TECPR2: variants seen among roughly 807,000 people sequenced by gnomAD.
The protein encoded by TECPR2 is tectonin beta-propeller repeat containing 2, also known as tectonin beta-propeller repeat-containing protein 2.
In TECPR2, 65 loss-of-function variants were observed where a neutral mutation model predicts 138.1. That is an observed-to-expected ratio of 0.47 (90% CI 0.39 to 0.58). The LOEUF (loss-of-function observed/expected upper bound fraction) is 0.58. Among genes scored for constraint, TECPR2 ranks in the 20% least tolerant of loss-of-function variants. The pLI, the probability that TECPR2 is intolerant of heterozygous loss-of-function variation, is 0.00. For synonymous variants in TECPR2, 746 were observed against 749.8 expected (o/e 0.99, Z 0.08); for missense variants, 1,553 against 1,824.5 (o/e 0.85, Z 2.71).
Position 102,434,427 on chromosome 14 carries a change from T to C in TECPR2, c.1610T>C (p.Val537Ala), listed in dbSNP as rs377331992. ...ESSFNGEVNG[V>A]PQENTDPETF... ...AGCTTCAATGGTGAAGTGAACGGTG[T>C]CCCACAGGAAAATACTGACCCCGAA... Residue 537 changes from valine to alanine, a missense_variant, in exon 9 of 20, where the codon GTC becomes GCC. Transcript: ENST00000359520. 7.9e-5 allele frequency: 121 copies of C among 1,531,822 alleles called. No homozygotes were observed. Among genetic ancestry groups the C allele is most frequent in the Non-Finnish European group, 9.7e-5 (111 of 1,141,594 alleles). The allele number at this position is 1,531,822 out of a possible 1,614,324, so 94.9% of individuals were successfully genotyped here. A position where few individuals can be genotyped will look rare whatever the true frequency, so the allele number is the denominator to read the frequency against.
chr14:102,437,019 T>A, intron 9 of TECPR2: 1 of 985,408 alleles, frequency 1.0e-6, no homozygotes, highest in Non-Finnish European at 1.2e-6. Flanking sequence ...CCCTTCCTCA[T>A]CCCACTCCAG....
At chr14:102,439,947 C>T (rs937355558) in intron 10 of TECPR2, among the ~76,000 whole-genome samples, 5 of 152,370 alleles carry the variant, frequency 3.3e-5, no homozygotes, top group Non-Finnish European at 7.3e-5. Context: ...TCCTTCTGTG[C>T]ACCTTTTCCA....
intron 17 of TECPR2, among the ~76,000 whole-genome samples, chr14:102,479,351 C>CT (rs1172434832): frequency 6.6e-6 from 1 of 152,180 alleles, no homozygotes; most frequent in East Asian, 1.9e-4. Context: ...GCTCTGTGGG[C>CT]TTCTAGGCTC....
At chr14:102,401,508 A>G (rs970549726) in intron 2 of TECPR2, among the ~76,000 whole-genome samples, 4 of 151,782 alleles carry the variant, frequency 2.6e-5, no homozygotes, top group Admixed American at 1.3e-4. Flanking sequence ...GGCCAGGTGC[A>G]GTGGCTCAAG....
chr14:102,468,002 AT>A (rs34886429), intron 17 of TECPR2, among the ~76,000 whole-genome samples: 37 of 143,890 alleles, frequency 2.6e-4, no homozygotes, highest in Middle Eastern at 3.6e-3. Flanking sequence ...ACGCCTGGCT[AT>A]TTTTTTTTTT....
chr14:102,443,973 C>T lies in TECPR2; in HGVS notation c.2933+146C>T. On this transcript the variant is annotated intron_variant, in intron 12 of 19. Coordinates refer to ENST00000359520, the MANE Select transcript of TECPR2 (RefSeq NM_014844.5). The surrounding 1 kb of genome is among the most constrained non-coding windows in gnomAD (Gnocchi z 4.9). ...CTATAGGCTAAGCTTGAATCTCTGC[C>T]TAATTCTGACCGGCAAACTGGACGT... is the stretch of plus-strand genomic sequence containing the variant. 1.3e-6 allele frequency: 1 copy of T among 788,650 alleles called. No individual in the cohort carries two copies. The highest frequency in any genetic ancestry group is 1.8e-6 in the Non-Finnish European group (1 of 543,462). 48.9% of individuals were successfully genotyped at this position (788,650 alleles called of 1,614,324 possible).
Position 102,425,155 on chromosome 14 carries a change from C to G in TECPR2, c.815C>G (p.Pro272Arg). The change falls in exon 6 of 20, where the codon CCG becomes CGG. Residue 272 changes from proline to arginine, a missense_variant. Coordinates refer to ENST00000359520, the MANE Select transcript of TECPR2 (RefSeq NM_014844.5). ...AGGVKPFELHPRLESPNSGSC... is the reference protein window; with the variant it reads ...AGGVKPFELHRRLESPNSGSC... ...GGAGTCAAGCCTTTTGAACTGCACC[C>G]GCGTCTGGAATCCCCCAACAGTGGA... The G allele has an allele frequency of 3.1e-6, 5 of 1,614,130 alleles. No homozygotes were observed. The highest frequency in any genetic ancestry group is 4.2e-6 in the Non-Finnish European group (5 of 1,180,026).
intron 17 of TECPR2, among the ~76,000 whole-genome samples, chr14:102,494,151 G>T (rs1364270822): frequency 6.6e-6 from 1 of 152,176 alleles, no homozygotes; most frequent in Non-Finnish European, 1.5e-5. Flanking sequence ...CTGTAACTTG[G>T]GCAAATGTGT....
intron 12 of TECPR2, among the ~76,000 whole-genome samples, chr14:102,444,116 G>A (rs1889907190): frequency 6.6e-6 from 1 of 151,848 alleles, no homozygotes; most frequent in African/African-American, 2.4e-5. Flanking sequence ...AGGTAGTTCT[G>A]GTTTAGTGTC....
In TECPR2 at chr14:102,425,184, T is replaced by G; in HGVS notation, c.844T>G (p.Cys282Gly). ...TCTGGAATCCCCCAACAGTGGAAGTTGCAGCTTACCTGAGAGGCACCTGGG... is the reference window on the plus strand; with the variant it reads ...TCTGGAATCCCCCAACAGTGGAAGTGGCAGCTTACCTGAGAGGCACCTGGG... Reference protein sequence around the residue: ...PRLESPNSGSCSLPERHLGLV... With the variant: ...PRLESPNSGSGSLPERHLGLV... The change falls in exon 6 of 20, where the codon TGC becomes GGC. Residue 282 changes from cysteine (C) to glycine (G), a missense_variant. Cys to Gly is a radical substitution (Grantham distance 159, BLOSUM62 -3). Transcript: ENST00000359520. The G allele has an allele frequency of 6.2e-7, 1 of 1,614,190 alleles. No homozygotes were observed. The highest frequency in any genetic ancestry group is 8.5e-7 in the Non-Finnish European group (1 of 1,180,036).
chr14:102,429,250 G>A (rs1167051608), intron 7 of TECPR2, among the ~76,000 whole-genome samples: 2 of 152,176 alleles, frequency 1.3e-5, no homozygotes, highest in African/African-American at 2.4e-5. Flanking sequence ...TGCTTTCATG[G>A]TTGTGGAAGA....
intron 17 of TECPR2, among the ~76,000 whole-genome samples, chr14:102,471,756 C>T (rs1890655987): frequency 6.6e-6 from 1 of 152,092 alleles, no homozygotes; most frequent in East Asian, 1.9e-4. Flanking sequence ...CTCATTTTTT[C>T]TTAGTCTAGC....
chr14:102,402,638 A>T (rs1888523311), intron 2 of TECPR2, among the ~76,000 whole-genome samples: 1 of 152,168 alleles, frequency 6.6e-6, no homozygotes. Flanking sequence ...AGAATTGACA[A>T]ACCTTTAGCC....
chr14:102,470,821 T>A (rs1468388204), intron 17 of TECPR2, among the ~76,000 whole-genome samples: 1 of 62,330 alleles, frequency 1.6e-5, no homozygotes, highest in Non-Finnish European at 3.6e-5. Context: ...GTTTCTTGTG[T>A]TTTTTTTTTT....
intron 2 of TECPR2, among the ~76,000 whole-genome samples, chr14:102,385,608 A>G (rs908210843): frequency 2.0e-5 from 3 of 152,142 alleles, no homozygotes; most frequent in African/African-American, 7.2e-5. Context: ...ATCCAGCACC[A>G]TAGAAGGGGA....
intron 8 of TECPR2, among the ~76,000 whole-genome samples, chr14:102,433,522 A>T (rs189688207): frequency 0.011 from 1,694 of 149,870 alleles, 37 homozygotes; most frequent in African/African-American, 0.039. Flanking sequence ...TTATTTATTT[A>T]TTTTTTAATT....
intron 16 of TECPR2, among the ~76,000 whole-genome samples, chr14:102,454,310 T>C (rs4906201): frequency 1 from 152,081 of 152,316 alleles, 75,924 homozygotes; most frequent in Middle Eastern, 1. Context: ...CAGTGGTTGG[T>C]GTGCTCAGCC....
intron 13 of TECPR2, 84 bp from the exon 14 acceptor site, chr14:102,449,545 T>G: frequency 6.4e-7 from 1 of 1,570,528 alleles, no homozygotes; most frequent in Non-Finnish European, 8.7e-7. Context: ...GGTGTGGACC[T>G]GAGCTAGAAC....
At position 102,435,093 on chromosome 14, in the gene TECPR2, C is replaced by A; in HGVS notation, c.2276C>A (p.Ala759Asp). ...TCCAGCGATGAGGAGGACATCTATG[C>A]CCACGGGCTTCCTTCTTCATCCTCA... ...LTSSDEEDIY[A>D]HGLPSSSSET... Residue 759 changes from alanine (A) to aspartate (D), a missense_variant, in exon 9 of 20, where the codon GCC (alanine) becomes GAC (aspartate). Ala to Asp is a moderately radical substitution (Grantham distance 126, BLOSUM62 -2). Coordinates refer to ENST00000359520, the MANE Select transcript of TECPR2 (RefSeq NM_014844.5). The A allele has an allele frequency of 6.2e-7, 1 of 1,613,868 alleles. No homozygotes were observed. The highest frequency in any genetic ancestry group is 8.5e-7 in the Non-Finnish European group (1 of 1,180,026).
Sources: allele counts gnomAD v4.1 joint callset (sites outside exome capture counted in the v4.1 genomes callset), GRCh38; gene constraint gnomAD v4.1.1; non-coding constraint Gnocchi (gnomAD v3.1); transcripts MANE v1.5; gene names NCBI Gene and HGNC (gene_info 2026-07-23, HGNC 2026-07-21).